Variants in NRCAM observed in about 807,000 individuals in gnomAD.
NRCAM encodes NgCAM-related cell adhesion molecule.
A neutral mutation model predicts 156.5 loss-of-function variants in NRCAM; 83 were observed. The ratio of observed to expected loss-of-function variants is 0.53; its 90% CI spans 0.44 to 0.64. The LOEUF (loss-of-function observed/expected upper bound fraction) is 0.64. NRCAM is among the 30% of genes least tolerant of loss of function. The pLI is 0.00. For missense variants in NRCAM, 1,417 were observed against 1,597.3 expected (o/e 0.89, Z 1.92); for synonymous variants, 538 against 563.9 (o/e 0.95, Z 0.65).
chr7:108,158,954 T>C (rs1460948344), intron 32 of NRCAM, among the ~76,000 whole-genome samples: 4 of 152,200 alleles, frequency 2.6e-5, no homozygotes, highest in Non-Finnish European at 4.4e-5. Context: ...GGCTACGACA[T>C]TTCTTAATAA....
chr7:108,362,290 C>T (rs971116834), intron 2 of NRCAM, among the ~76,000 whole-genome samples: 2 of 152,252 alleles, frequency 1.3e-5, no homozygotes, highest in South Asian at 2.1e-4. Context: ...CTAATCCCAT[C>T]GTGAGGGCCC....
rs1282606494 is a variant in NRCAM, at chr7:108,202,294, G to A, written c.1208-4195C>T. ...TAAACACTTTCAACATATAGATAAT[G>A]AGAATAATAATAATAATCATGCCAT... is the stretch of plus-strand genomic sequence containing the variant. On this transcript the variant is annotated intron_variant, in intron 13 of 32. Transcript: ENST00000379028. Among the ~76,000 whole-genome samples, 5 of 152,104 alleles carry A rather than the reference G, an allele frequency of 3.3e-5. 1 individual carries two copies. The South Asian group carries it at 6.2e-4, about 19-fold the overall frequency.
chr7:108,293,282 G>A (rs535235711), intron 3 of NRCAM, among the ~76,000 whole-genome samples: 36 of 152,174 alleles, frequency 2.4e-4, no homozygotes, highest in African/African-American at 7.0e-4. Context: ...GGGCGATCAC[G>A]GCTTGGCTAA....
At position 108,424,772 on chromosome 7, in the gene NRCAM, C is replaced by T. The variant is rs1031130722; in HGVS notation, c.-331-25179G>A. ...TTAAAACATGTATAATTATTAAATCCCAAATCTGCATGTTATTTTTGAGCA... is the reference window on the plus strand; with the variant it reads ...TTAAAACATGTATAATTATTAAATCTCAAATCTGCATGTTATTTTTGAGCA... On this transcript the variant is annotated intron_variant, in intron 1 of 32. Coordinates refer to ENST00000379028, the MANE Select transcript of NRCAM (RefSeq NM_001037132.4). 4.6e-5 allele frequency among the ~76,000 whole-genome samples: 7 copies of T among 151,878 alleles called. No individual in the cohort carries two copies. The East Asian group carries it at 1.4e-3, about 29-fold the overall frequency.
chr7:108,295,301 G>A (rs1369340162), intron 3 of NRCAM, among the ~76,000 whole-genome samples: 1 of 152,160 alleles, frequency 6.6e-6, no homozygotes, highest in African/African-American at 2.4e-5. Flanking sequence ...GGGGTCTACA[G>A]CAGCTAAGTT....
chr7:108,369,386 A>G (rs2099614430), intron 2 of NRCAM, among the ~76,000 whole-genome samples: 1 of 152,138 alleles, frequency 6.6e-6, no homozygotes, highest in South Asian at 2.1e-4. Context: ...AAATTTAAAA[A>G]GTAACTTATG....
At chr7:108,375,258 C>T (rs1268100181) in intron 2 of NRCAM, among the ~76,000 whole-genome samples, 1 of 152,046 alleles carries the variant, frequency 6.6e-6, no homozygotes, top group Non-Finnish European at 1.5e-5. Context: ...AGAATGTGTT[C>T]AGTATTTGAA....
intron 1 of NRCAM, among the ~76,000 whole-genome samples, chr7:108,453,880 T>C (rs1292501921): frequency 5.9e-5 from 9 of 152,156 alleles, no homozygotes; most frequent in South Asian, 2.1e-4. Context: ...ATTTAGGAAA[T>C]AGAATGATTT....
intron 3 of NRCAM, among the ~76,000 whole-genome samples, chr7:108,289,608 T>A (rs2098222854): frequency 6.6e-6 from 1 of 152,148 alleles, no homozygotes; most frequent in Admixed American, 6.6e-5. Context: ...GTTGGGCACA[T>A]GGGAGGCACT....
At chr7:108,256,411 G>C (rs1219191548) in intron 3 of NRCAM, among the ~76,000 whole-genome samples, 2 of 149,380 alleles carry the variant, frequency 1.3e-5, no homozygotes, top group Non-Finnish European at 3.0e-5. Flanking sequence ...TTGTTAAACA[G>C]ATGCTTGAAG....
At chr7:108,327,522 T>A (rs2099082148) in intron 2 of NRCAM, among the ~76,000 whole-genome samples, 1 of 152,132 alleles carries the variant, frequency 6.6e-6, no homozygotes, top group African/African-American at 2.4e-5. Context: ...GGGGTGTTTC[T>A]AAAGATGCAA....
chr7:108,311,616 C>T (rs1356713111), intron 3 of NRCAM, among the ~76,000 whole-genome samples: 1 of 152,144 alleles, frequency 6.6e-6, no homozygotes, highest in Non-Finnish European at 1.5e-5. Flanking sequence ...TCTTAGTTTC[C>T]AGTCTACTAA....
chr7:108,431,119 C>G (rs1824530647), intron 1 of NRCAM, among the ~76,000 whole-genome samples: 1 of 152,192 alleles, frequency 6.6e-6, no homozygotes, highest in Non-Finnish European at 1.5e-5. Flanking sequence ...CTCATTTTCT[C>G]TCCATAATAA....
intron 2 of NRCAM, among the ~76,000 whole-genome samples, chr7:108,381,017 C>A (rs1595790589): frequency 6.6e-6 from 1 of 151,974 alleles, no homozygotes; most frequent in East Asian, 1.9e-4. Context: ...CCTGTCTGGG[C>A]AACACAGAGA....
At chr7:108,326,151 C>T (rs1466704917) in intron 2 of NRCAM, among the ~76,000 whole-genome samples, 6 of 152,182 alleles carry the variant, frequency 3.9e-5, no homozygotes, top group South Asian at 2.1e-4. Flanking sequence ...TAAAAATCTA[C>T]GCATACACAT....
At chr7:108,298,102 T>A (rs1017188720) in intron 3 of NRCAM, among the ~76,000 whole-genome samples, 39 of 152,158 alleles carry the variant, frequency 2.6e-4, no homozygotes, top group African/African-American at 9.4e-4. Context: ...TAAAACACTT[T>A]ATAATCTGGA....
Position 108,333,127 on chromosome 7 carries a change from T to A in NRCAM, c.-173-20396A>T, listed in dbSNP as rs12540040. Among the ~76,000 whole-genome samples, 626 of 152,292 alleles carry A rather than the reference T, an allele frequency of 4.1e-3. 7 individuals are homozygous for A. The highest frequency in any genetic ancestry group is 0.028 in the Admixed American group (435 of 15,294). ...CCAGAGCAAATAATTTCCATTTATATCACTAGTTGTAAAACAAGGCTTATT... is the reference window on the plus strand; with the variant it reads ...CCAGAGCAAATAATTTCCATTTATAACACTAGTTGTAAAACAAGGCTTATT... On this transcript the variant is annotated intron_variant, in intron 2 of 32. Coordinates refer to ENST00000379028, the MANE Select transcript of NRCAM (RefSeq NM_001037132.4).
At chr7:108,396,628 G>C (rs2099777688) in intron 2 of NRCAM, among the ~76,000 whole-genome samples, 1 of 152,190 alleles carries the variant, frequency 6.6e-6, no homozygotes, top group Non-Finnish European at 1.5e-5. Flanking sequence ...TGAGGTGATG[G>C]ATATACCCAA....
intron 28 of NRCAM, among the ~76,000 whole-genome samples, chr7:108,168,994 A>G (rs2056777295): frequency 6.6e-6 from 1 of 152,184 alleles, no homozygotes; most frequent in African/African-American, 2.4e-5. Context: ...GATGGATGGT[A>G]AGGGTATGTT....
Sources: gnomAD v4.1 joint callset for allele counts (sites outside exome capture counted in the v4.1 genomes callset) on GRCh38, gnomAD v4.1.1 for gene constraint, MANE v1.5 for transcripts, NCBI Gene and HGNC (gene_info 2026-07-23, HGNC 2026-07-21) for gene names.